SORBS2: variants seen among roughly 807,000 people sequenced by gnomAD.
SORBS2 encodes the protein sorbin and SH3 domain containing 2, also known as sorbin and SH3 domain-containing protein 2.
A neutral mutation model predicts 97.7 loss-of-function variants in SORBS2; 46 were observed. The ratio of observed to expected loss-of-function variants is 0.47; its 90% CI spans 0.37 to 0.60. The LOEUF (loss-of-function observed/expected upper bound fraction) is 0.60. Among genes scored for constraint, SORBS2 ranks in the 20% least tolerant of loss-of-function variants. The pLI is 0.00. For missense variants in SORBS2, 1,316 were observed against 1,282.3 expected (o/e 1.03, Z -0.40); for synonymous variants, 476 against 473.4 (o/e 1.01, Z -0.07).
intron 1 of SORBS2, among the ~76,000 whole-genome samples, chr4:185,929,311 A>C (rs182389444): frequency 6.6e-6 from 1 of 152,216 alleles, no homozygotes; most frequent in East Asian, 1.9e-4. Flanking sequence ...ACCAGTTAAC[A>C]CTCAGAGGGT....
intron 4 of SORBS2, among the ~76,000 whole-genome samples, chr4:185,664,339 T>G (rs1582174554): frequency 6.6e-6 from 1 of 152,210 alleles, no homozygotes; most frequent in African/African-American, 2.4e-5. Context: ...GCTCTGCTCG[T>G]GCCCACAAGA....
intron 1 of SORBS2, among the ~76,000 whole-genome samples, chr4:185,922,238 C>G (rs1371069333): frequency 6.6e-6 from 1 of 152,118 alleles, no homozygotes; most frequent in African/African-American, 2.4e-5. Context: ...ATTTGATTAA[C>G]TTCTGGAAGG....
chr4:185,700,205 T>C (rs902676278), intron 2 of SORBS2, among the ~76,000 whole-genome samples: 12 of 152,218 alleles, frequency 7.9e-5, no homozygotes, highest in African/African-American at 2.9e-4. Flanking sequence ...TTGAAAAATA[T>C]AATTAAATCA....
intron 2 of SORBS2, among the ~76,000 whole-genome samples, chr4:185,766,389 T>C (rs1052960479): frequency 2.0e-5 from 3 of 152,230 alleles, no homozygotes; most frequent in African/African-American, 7.2e-5. Context: ...TTCTTAACCA[T>C]GGTCTTCAAC....
At chr4:185,898,544 G>A (rs1435241825) in intron 1 of SORBS2, among the ~76,000 whole-genome samples, 1 of 152,222 alleles carries the variant, frequency 6.6e-6, no homozygotes, top group Non-Finnish European at 1.5e-5. Flanking sequence ...TGGAGGCAGT[G>A]TTGCTTGGGG....
intron 4 of SORBS2, chr4:185,677,007 T>C: frequency 6.4e-7 from 1 of 1,550,394 alleles, no homozygotes; most frequent in East Asian, 2.4e-5. Context: ...CACTCTGCAG[T>C]CTGAGGACTG....
intron 1 of SORBS2, among the ~76,000 whole-genome samples, chr4:185,886,741 G>C (rs1278230950): frequency 1.3e-5 from 2 of 152,164 alleles, no homozygotes; most frequent in Non-Finnish European, 2.9e-5. Context: ...AGCACCATGA[G>C]AGAACCGGGA....
At chr4:185,814,553 A>AAAAC (rs36055043) in intron 1 of SORBS2, among the ~76,000 whole-genome samples, 1,859 of 151,242 alleles carry the variant, frequency 0.012, 21 homozygotes, top group Middle Eastern at 0.041. Context: ...TTTTAGTAGC[A>AAAAC]AAACAAACAA....
At chr4:185,949,296 A>G (rs571085434) in intron 1 of SORBS2, among the ~76,000 whole-genome samples, 1 of 152,338 alleles carries the variant, frequency 6.6e-6, no homozygotes, top group African/African-American at 2.4e-5. Context: ...TTGGTGGTAC[A>G]CCCAGTATTG....
At chr4:185,641,163 T>G (rs1390685892) in intron 4 of SORBS2, among the ~76,000 whole-genome samples, 1 of 152,206 alleles carries the variant, frequency 6.6e-6, no homozygotes, top group Admixed American at 6.5e-5. Flanking sequence ...AAGCAGAATA[T>G]CTACCATCTT....
chr4:185,785,254 T>C (rs1191561828), intron 1 of SORBS2, among the ~76,000 whole-genome samples: 1 of 151,968 alleles, frequency 6.6e-6, no homozygotes, highest in Non-Finnish European at 1.5e-5. Context: ...AGAATCTTAC[T>C]GTGGTTTCTT....
At chr4:185,685,800 C>A (rs1448258447) in intron 2 of SORBS2, among the ~76,000 whole-genome samples, 1 of 152,218 alleles carries the variant, frequency 6.6e-6, no homozygotes, top group Admixed American at 6.5e-5. Flanking sequence ...GCATGAGCCA[C>A]CGCACCTGGC....
chr4:185,678,875 C>T, intron 2 of SORBS2, 53 bp from the exon 6 acceptor site: 1 of 1,122,968 alleles, frequency 8.9e-7, no homozygotes, highest in Non-Finnish European at 1.2e-6. Context: ...AAATGAACAA[C>T]CCAGTAAAAA....
intron 1 of SORBS2, among the ~76,000 whole-genome samples, chr4:185,902,688 TAAAA>T (rs79092738): frequency 7.2e-6 from 1 of 139,802 alleles, no homozygotes; most frequent in Non-Finnish European, 1.5e-5. Context: ...TGTTTTTACT[TAAAA>T]AAAAAAAAAA....
intron 4 of SORBS2, among the ~76,000 whole-genome samples, chr4:185,676,638 C>T (rs531650140): frequency 6.6e-6 from 1 of 152,062 alleles, no homozygotes; most frequent in Non-Finnish European, 1.5e-5. Flanking sequence ...GCAAAAAGAT[C>T]TAATATGAAA....
At chr4:185,691,752 GT>G (rs879917868) in intron 2 of SORBS2, among the ~76,000 whole-genome samples, 24 of 147,162 alleles carry the variant, frequency 1.6e-4, no homozygotes, top group African/African-American at 3.0e-4. Context: ...TCAGAAAAAA[GT>G]TTTTTTTTTT....
At chr4:185,662,692 A>G (rs1459995316) in intron 4 of SORBS2, among the ~76,000 whole-genome samples, 1 of 152,262 alleles carries the variant, frequency 6.6e-6, no homozygotes, top group Non-Finnish European at 1.5e-5. Flanking sequence ...AGTCAGGGAT[A>G]TCTTCTAGTG....
chr4:185,733,150 A>G (rs2098656050), intron 2 of SORBS2, among the ~76,000 whole-genome samples: 1 of 152,268 alleles, frequency 6.6e-6, no homozygotes, highest in South Asian at 2.1e-4. Flanking sequence ...GCAGCGCTCT[A>G]GAAACTGATA....
At chr4:185,750,956 G>A (rs1027844474) in intron 2 of SORBS2, among the ~76,000 whole-genome samples, 4 of 151,828 alleles carry the variant, frequency 2.6e-5, no homozygotes, top group Non-Finnish European at 4.4e-5. Flanking sequence ...GCATTCAAAT[G>A]TACATGATAT....
Sources: allele counts gnomAD v4.1 joint callset (sites outside exome capture counted in the v4.1 genomes callset), GRCh38; gene constraint gnomAD v4.1.1; transcripts MANE v1.5; gene names NCBI Gene and HGNC (gene_info 2026-07-23, HGNC 2026-07-21).